NCOA6: variants seen among roughly 807,000 people sequenced by gnomAD.
NCOA6 encodes nuclear receptor coactivator 6.
NCOA6 carries 49 observed loss-of-function variants against 171.4 expected under a neutral mutation model. The ratio of observed to expected loss-of-function variants is 0.29; its 90% CI spans 0.23 to 0.36. NCOA6 has a LOEUF of 0.36. NCOA6 is among the 10% of genes least tolerant of loss of function. The pLI, the probability that NCOA6 is intolerant of heterozygous loss-of-function variation, is 1.00. For synonymous variants in NCOA6, 910 were observed against 927.5 expected (o/e 0.98, Z 0.34); for missense variants, 2,248 against 2,554.5 (o/e 0.88, Z 2.59).
At chr20:34,737,838 G>A (rs1376280748) in intron 11 of NCOA6, among the ~76,000 whole-genome samples, 1 of 152,230 alleles carries the variant, frequency 6.6e-6, no homozygotes, top group Non-Finnish European at 1.5e-5. Flanking sequence ...ATGCTTATCT[G>A]ATAAAGCTTA....
At chr20:34,801,777 A>G (rs2078263805) in intron 1 of NCOA6, among the ~76,000 whole-genome samples, 1 of 152,186 alleles carries the variant, frequency 6.6e-6, no homozygotes, top group South Asian at 2.1e-4. Context: ...AGGCAGGAGA[A>G]TCACTTGAAC....
In NCOA6 at chr20:34,715,159, T is replaced by C. The variant is rs897829908; in HGVS notation, c.*163A>G. Reference sequence around the variant, plus strand: ...CACCAAAAGGGCTCAACAGTCCTGCTTTCCCCATTGCACTTTATGAAACAG... The same window carrying C: ...CACCAAAAGGGCTCAACAGTCCTGCCTTCCCCATTGCACTTTATGAAACAG... On this transcript the variant is annotated 3_prime_UTR_variant, in exon 15 of 15. Coordinates refer to ENST00000359003, the MANE Select transcript of NCOA6 (RefSeq NM_014071.5). The C allele has an allele frequency of 2.2e-5, 18 of 833,912 alleles. No individual in the cohort carries two copies. The highest frequency in any genetic ancestry group is 7.2e-5 in the Admixed American group (3 of 41,552). The allele number at this position is 833,912 out of a possible 1,614,324, so 51.7% of individuals were successfully genotyped here.
chr20:34,802,327 C>A (rs186885137), intron 1 of NCOA6, among the ~76,000 whole-genome samples: 64 of 152,234 alleles, frequency 4.2e-4, no homozygotes, highest in South Asian at 2.9e-3. Context: ...TTAGCCCAGG[C>A]ACAGTAGCTC....
chr20:34,745,502 G>A (rs2076276080), intron 10 of NCOA6, among the ~76,000 whole-genome samples: 1 of 152,232 alleles, frequency 6.6e-6, no homozygotes, highest in Admixed American at 6.5e-5. Flanking sequence ...GACGGGAAGT[G>A]TGATATGCCC....
At chr20:34,764,397 G>A (rs1170135486) in intron 5 of NCOA6, among the ~76,000 whole-genome samples, 2 of 152,110 alleles carry the variant, frequency 1.3e-5, no homozygotes, top group Non-Finnish European at 2.9e-5. Flanking sequence ...GCCCAGCTAC[G>A]TATTAAATGT....
At chr20:34,767,603 G>A (rs1600929633) in intron 5 of NCOA6, among the ~76,000 whole-genome samples, 1 of 152,138 alleles carries the variant, frequency 6.6e-6, no homozygotes, top group Admixed American at 6.5e-5. Context: ...GCCAAGACTA[G>A]CATCTTATAA....
At chr20:34,809,450 G>A in intron 1 of NCOA6, 1 of 398,436 alleles carries the variant, frequency 2.5e-6, no homozygotes. Flanking sequence ...AGAATCAACA[G>A]ACCTGCTTAA....
At chr20:34,794,704 A>T (rs774896886) in intron 1 of NCOA6, among the ~76,000 whole-genome samples, 6 of 152,134 alleles carry the variant, frequency 3.9e-5, no homozygotes, top group Non-Finnish European at 8.8e-5. Context: ...GACCAATAAA[A>T]ATGGTTATCT....
chr20:34,718,568 C>T (rs1988895830), intron 14 of NCOA6, among the ~76,000 whole-genome samples: 2 of 149,972 alleles, frequency 1.3e-5, no homozygotes, highest in African/African-American at 2.5e-5. Context: ...TGCAGTGGTG[C>T]GATCTGAACT....
intron 9 of NCOA6, among the ~76,000 whole-genome samples, chr20:34,749,134 A>C (rs35732066): frequency 6.6e-6 from 1 of 152,248 alleles, no homozygotes; most frequent in African/African-American, 2.4e-5. Flanking sequence ...AGGTGTGCTA[A>C]CAATATTGTG....
chr20:34,812,359 T>C (rs1343771032), intron 1 of NCOA6, among the ~76,000 whole-genome samples: 1 of 152,140 alleles, frequency 6.6e-6, no homozygotes, highest in African/African-American at 2.4e-5. Context: ...AGAAACTTAA[T>C]GCTCTGAAAG....
intron 4 of NCOA6, among the ~76,000 whole-genome samples, chr20:34,769,599 C>T (rs988384093): frequency 3.3e-5 from 5 of 151,912 alleles, no homozygotes; most frequent in Non-Finnish European, 5.9e-5. Context: ...CCTGACCTCA[C>T]GTGATCCACC....
chr20:34,818,543 A>G (rs1279829664), intron 1 of NCOA6, among the ~76,000 whole-genome samples: 1 of 152,156 alleles, frequency 6.6e-6, no homozygotes, highest in African/African-American at 2.4e-5. Context: ...CCTCTTCTCC[A>G]AGCAAAGTGG....
intron 8 of NCOA6, among the ~76,000 whole-genome samples, chr20:34,751,959 G>C (rs1420848582): frequency 1.3e-5 from 2 of 152,140 alleles, no homozygotes; most frequent in African/African-American, 4.8e-5. Flanking sequence ...CTGGGTTCAA[G>C]TGATTTTCAT....
At chr20:34,743,443 T>C (rs1314402134) in intron 10 of NCOA6, 102 bp from the exon 11 acceptor site, 1 of 1,281,500 alleles carries the variant, frequency 7.8e-7, no homozygotes, top group East Asian at 2.3e-5. Context: ...TGGCACAGAC[T>C]ATGCACAAAC....
intron 1 of NCOA6, among the ~76,000 whole-genome samples, chr20:34,823,548 C>A (rs2146815089): frequency 6.6e-6 from 1 of 152,320 alleles, no homozygotes; most frequent in African/African-American, 2.4e-5. Context: ...TCAGAACTCT[C>A]CCATAGCCCA....
At chr20:34,789,171 AG>A (rs2077784233) in intron 2 of NCOA6, among the ~76,000 whole-genome samples, 1 of 152,240 alleles carries the variant, frequency 6.6e-6, no homozygotes, top group East Asian at 1.9e-4. Flanking sequence ...ACAAACTTTG[AG>A]GGAACTATGG....
chr20:34,751,572 A>G (rs1370587854), intron 8 of NCOA6, among the ~76,000 whole-genome samples: 1 of 152,034 alleles, frequency 6.6e-6, no homozygotes, highest in East Asian at 1.9e-4. Context: ...TGTGGTAAAA[A>G]GCAGTTAATC....
At chr20:34,735,570 G>T (rs1024483412) in intron 12 of NCOA6, among the ~76,000 whole-genome samples, 31 of 151,954 alleles carry the variant, frequency 2.0e-4, no homozygotes, top group Middle Eastern at 3.4e-3. Context: ...TGTGAACCCA[G>T]GAGGCAGAGC....
Sources: gnomAD v4.1 joint callset for allele counts (sites outside exome capture counted in the v4.1 genomes callset) on GRCh38, gnomAD v4.1.1 for gene constraint, MANE v1.5 for transcripts, NCBI Gene and HGNC (gene_info 2026-07-23, HGNC 2026-07-21) for gene names.